Variants in LRRC3B observed in about 807,000 individuals in gnomAD.
LRRC3B encodes the protein leucine rich repeat containing 3B.
LRRC3B carries 2 observed loss-of-function variants against 12.8 expected under a neutral mutation model. The ratio of observed to expected loss-of-function variants is 0.16; its 90% CI spans 0.06 to 0.49. The LOEUF (loss-of-function observed/expected upper bound fraction) is 0.49, where lower values mean the gene tolerates loss of function less well. Ranked by LOEUF, LRRC3B falls within the 20% of genes least tolerant of loss-of-function variation. The pLI, the probability that LRRC3B is intolerant of heterozygous loss-of-function variation, is 0.96. For synonymous variants in LRRC3B, 132 were observed against 122.0 expected (o/e 1.08, Z -0.54); for missense variants, 189 against 319.4 (o/e 0.59, Z 3.11).
intron 1 of LRRC3B, among the ~76,000 whole-genome samples, chr3:26,635,924 A>G (rs1343583988): frequency 6.6e-6 from 1 of 152,222 alleles, no homozygotes; most frequent in Non-Finnish European, 1.5e-5. Flanking sequence ...TCTTGCAATC[A>G]TGGAATAATG....
At chr3:26,702,056 A>G (rs1055581488) in intron 1 of LRRC3B, among the ~76,000 whole-genome samples, 3 of 152,188 alleles carry the variant, frequency 2.0e-5, no homozygotes, top group Non-Finnish European at 4.4e-5. Context: ...ATTCATTTCA[A>G]TAAATAAATG....
At chr3:26,683,155 G>C (rs1285650283) in intron 1 of LRRC3B, among the ~76,000 whole-genome samples, 1 of 152,178 alleles carries the variant, frequency 6.6e-6, no homozygotes, top group East Asian at 1.9e-4. Flanking sequence ...GAAACTAAGA[G>C]GCTATGGTGC....
intron 1 of LRRC3B, among the ~76,000 whole-genome samples, chr3:26,637,260 T>C (rs1164394655): frequency 6.6e-6 from 1 of 152,018 alleles, no homozygotes; most frequent in Admixed American, 6.6e-5. Flanking sequence ...ATGGCATCAG[T>C]AGGAACAGGT....
At chr3:26,704,204 A>T in intron 1 of LRRC3B, among the ~76,000 whole-genome samples, 1 of 152,258 alleles carries the variant, frequency 6.6e-6, no homozygotes, top group Non-Finnish European at 1.5e-5. Flanking sequence ...ATGTGATTAT[A>T]TTATAAGTAT....
chr3:26,685,771 C>T (rs1056037893), intron 1 of LRRC3B, among the ~76,000 whole-genome samples: 7 of 152,024 alleles, frequency 4.6e-5, no homozygotes, highest in Middle Eastern at 3.4e-3. Context: ...ATTCACTGAG[C>T]AAGTTGCCTG....
At chr3:26,650,607 C>A (rs902871864) in intron 1 of LRRC3B, among the ~76,000 whole-genome samples, 1 of 152,096 alleles carries the variant, frequency 6.6e-6, no homozygotes, top group African/African-American at 2.4e-5. Context: ...CAAACACTAG[C>A]ATTTCCAAAC....
chr3:26,652,843 T>G (rs1171900565), intron 1 of LRRC3B, among the ~76,000 whole-genome samples: 3 of 152,176 alleles, frequency 2.0e-5, no homozygotes, highest in Non-Finnish European at 4.4e-5. Context: ...TCCCCAAATT[T>G]TATTATGCTA....
intron 1 of LRRC3B, among the ~76,000 whole-genome samples, chr3:26,669,526 C>CATG (rs563958091): frequency 6.6e-6 from 1 of 152,092 alleles, no homozygotes; most frequent in Non-Finnish European, 1.5e-5. Flanking sequence ...TTTTTAACCC[C>CATG]ATGATAACCC....
intron 1 of LRRC3B, among the ~76,000 whole-genome samples, chr3:26,649,047 G>A (rs1197594866): frequency 6.6e-6 from 1 of 152,182 alleles, no homozygotes; most frequent in African/African-American, 2.4e-5. Flanking sequence ...GTGCAGCCCT[G>A]AAATACAGCT....
chr3:26,694,152 G>A (rs1245220625), intron 1 of LRRC3B, among the ~76,000 whole-genome samples: 1 of 152,150 alleles, frequency 6.6e-6, no homozygotes, highest in Non-Finnish European at 1.5e-5. Flanking sequence ...AAGTGTGAAT[G>A]TATTGGTAGT....
chr3:26,665,480 T>C (rs1054477953), intron 1 of LRRC3B, among the ~76,000 whole-genome samples: 6 of 152,156 alleles, frequency 3.9e-5, no homozygotes, highest in African/African-American at 1.4e-4. Flanking sequence ...GTTTGTGTTT[T>C]CTTCTATTGT....
rs188185266 is a variant in LRRC3B at position 26,654,429 on chromosome 3, A to T, written c.-161+31192A>T. Reference sequence around the variant, plus strand: ...GAATTTCTAAGGCTGGAACTAAGGCACCAGTAGCTTTAAAATTTTCCCAGG... The same window carrying T: ...GAATTTCTAAGGCTGGAACTAAGGCTCCAGTAGCTTTAAAATTTTCCCAGG... On this transcript the variant is annotated intron_variant, in intron 1 of 1. Transcript: ENST00000396641. 5.3e-5 allele frequency among the ~76,000 whole-genome samples: 8 copies of T among 152,326 alleles called. No homozygotes were observed. The East Asian group carries it at 1.5e-3, about 29-fold the overall frequency.
Position 26,696,201 on chromosome 3 carries a change from A to T in LRRC3B, c.-160-13312A>T, listed in dbSNP as rs1051729028. ...TCATGACAATTTACAACCCTGAAAA[A>T]GAAACACAAAATTGTTACCTATGCT... On this transcript the variant is annotated intron_variant, in intron 1 of 1. Coordinates refer to ENST00000396641, the Ensembl canonical transcript of LRRC3B. Among the ~76,000 whole-genome samples, 7 of 152,360 alleles carry T rather than the reference A, an allele frequency of 4.6e-5. No individual in the cohort carries two copies. In the East Asian group the frequency reaches 1.3e-3, roughly 29 times the overall value.
chr3:26,694,572 A>C (rs1700263048), intron 1 of LRRC3B: 2 of 152,242 alleles, frequency 1.3e-5, no homozygotes, highest in South Asian at 4.1e-4. Context: ...CCACATCGGA[A>C]ATCAATGAAA....
chr3:26,669,501 G>A (rs1699676366), intron 1 of LRRC3B, among the ~76,000 whole-genome samples: 2 of 152,080 alleles, frequency 1.3e-5, no homozygotes, highest in Admixed American at 1.3e-4. Flanking sequence ...GTGAAATAAG[G>A]AGATGAATAT....
chr3:26,660,406 A>C (rs144219318), intron 1 of LRRC3B, among the ~76,000 whole-genome samples: 3 of 152,224 alleles, frequency 2.0e-5, no homozygotes, highest in African/African-American at 7.2e-5. Context: ...GTTAGATATA[A>C]TTAAGTCTCT....
intron 1 of LRRC3B, among the ~76,000 whole-genome samples, chr3:26,691,317 C>A (rs912061157): frequency 1.3e-5 from 2 of 151,800 alleles, no homozygotes; most frequent in Non-Finnish European, 2.9e-5. Context: ...CTTCTACCAA[C>A]AAATTGGAGG....
At chr3:26,707,928 T>TTCTC (rs1171761395) in intron 1 of LRRC3B, among the ~76,000 whole-genome samples, 2 of 152,174 alleles carry the variant, frequency 1.3e-5, no homozygotes, top group Admixed American at 1.3e-4. Flanking sequence ...CTCTTTAGCA[T>TTCTC]TCTCTGGTAT....
At chr3:26,693,307 C>A (rs1050230458) in intron 1 of LRRC3B, among the ~76,000 whole-genome samples, 4 of 130,848 alleles carry the variant, frequency 3.1e-5, no homozygotes, top group African/African-American at 5.9e-5. Flanking sequence ...CCAGCCTGGG[C>A]GACAGAGCGA....
Sources: allele counts gnomAD v4.1 joint callset (sites outside exome capture counted in the v4.1 genomes callset), GRCh38; gene constraint gnomAD v4.1.1; transcripts MANE v1.5; gene names NCBI Gene and HGNC (gene_info 2026-07-23, HGNC 2026-07-21).